The following SLC36A1 variants were observed in gnomAD, a reference collection of about 807,000 sequenced individuals.
SLC36A1 encodes proton-coupled amino acid transporter 1.
In SLC36A1, 30 loss-of-function variants were observed where a neutral mutation model predicts 47.5. The ratio of observed to expected loss-of-function variants is 0.63; its 90% confidence interval spans 0.47 to 0.86. SLC36A1 has a LOEUF of 0.86. Ranked by LOEUF, SLC36A1 falls within the 40% of genes least tolerant of loss-of-function variation. SLC36A1 has a pLI of 0.00. For missense variants in SLC36A1, 517 were observed against 606.0 expected (o/e 0.85, Z 1.54); for synonymous variants, 255 against 249.7 (o/e 1.02, Z -0.20).
intron 8 of SLC36A1, 61 bp from the exon 9 acceptor site, chr5:151,476,529 T>C (rs77394758): frequency 4.6e-6 from 6 of 1,313,510 alleles, no homozygotes; most frequent in Non-Finnish European, 6.2e-6. Context: ...TTTTTTTTTT[T>C]CTTGGCCATT....
chr5:151,380,989 C>G, the SLC36A1 span: 1 of 387,792 alleles, frequency 2.6e-6, no homozygotes, highest in Non-Finnish European at 5.2e-6. Flanking sequence ...AACCCTATAA[C>G]AGAGGGGCCA....
chr5:151,485,951 T>C (rs2127545353), intron 10 of SLC36A1, among the ~76,000 whole-genome samples: 1 of 152,368 alleles, frequency 6.6e-6, no homozygotes, highest in Admixed American at 6.5e-5. Context: ...GTGGCTATGT[T>C]GGACAGCACA....
the SLC36A1 span, chr5:151,544,598 T>TGTA: frequency 6.8e-6 from 11 of 1,614,118 alleles, no homozygotes; most frequent in Non-Finnish European, 8.5e-6. Flanking sequence ...ACTCTGACTT[T>TGTA]GTAATAAGGA....
chr5:151,544,016 C>T, the SLC36A1 span: 1 of 1,614,184 alleles, frequency 6.2e-7, no homozygotes, highest in Non-Finnish European at 8.5e-7. Flanking sequence ...TCATTGATAT[C>T]AGACACATTG....
the SLC36A1 span, among the ~76,000 whole-genome samples, chr5:151,518,656 T>C: frequency 4.2e-3 from 643 of 152,340 alleles, 3 homozygotes; most frequent in African/African-American, 0.015. Flanking sequence ...ATAGACTGTA[T>C]GGCCAAAACT....
the SLC36A1 span, among the ~76,000 whole-genome samples, chr5:151,414,245 G>A: frequency 1.3e-5 from 2 of 152,202 alleles, no homozygotes; most frequent in Admixed American, 6.5e-5. Context: ...CATTTAGGAT[G>A]GGTATGATTT....
intron 10 of SLC36A1, among the ~76,000 whole-genome samples, chr5:151,484,420 C>T (rs1435795010): frequency 6.6e-6 from 1 of 152,228 alleles, no homozygotes; most frequent in East Asian, 1.9e-4. Flanking sequence ...GTGTTCGAGG[C>T]TTGGAGCCCC....
chr5:151,534,973 ATAT>A, the SLC36A1 span, among the ~76,000 whole-genome samples: 3 of 80,052 alleles, frequency 3.7e-5, no homozygotes, highest in African/African-American at 1.1e-4. Context: ...CTAGGAAAAT[ATAT>A]ATATATATAT....
the SLC36A1 span, among the ~76,000 whole-genome samples, chr5:151,385,037 TGA>T: frequency 1.2e-3 from 169 of 142,138 alleles, 2 homozygotes; most frequent in East Asian, 0.022. Context: ...TGTGTGTGTG[TGA>T]GAGAGAGAGA....
chr5:151,352,981 C>G, the SLC36A1 span, among the ~76,000 whole-genome samples: 2 of 152,222 alleles, frequency 1.3e-5, no homozygotes, highest in African/African-American at 4.8e-5. Flanking sequence ...GGCTAGACCC[C>G]CTCTGGAATA....
upstream of SLC36A1, among the ~76,000 whole-genome samples, chr5:151,433,361 G>T (rs543895738): frequency 7.9e-6 from 1 of 127,090 alleles, no homozygotes; most frequent in African/African-American, 3.0e-5. Flanking sequence ...TTGGCTCACC[G>T]CAACCTCTGC....
chr5:151,382,969 A>G, the SLC36A1 span, among the ~76,000 whole-genome samples: 3 of 152,188 alleles, frequency 2.0e-5, no homozygotes, highest in Non-Finnish European at 4.4e-5. Flanking sequence ...AAACAGCATT[A>G]AAGCCAGGAT....
chr5:151,371,618 CTTG>C, the SLC36A1 span, among the ~76,000 whole-genome samples: 2 of 152,116 alleles, frequency 1.3e-5, no homozygotes, highest in Non-Finnish European at 2.9e-5. Context: ...AATATTCTAT[CTTG>C]TTATCAACTC....
chr5:151,480,853 G>A (rs1467476586), intron 10 of SLC36A1, among the ~76,000 whole-genome samples: 1 of 152,214 alleles, frequency 6.6e-6, no homozygotes, highest in African/African-American at 2.4e-5. Context: ...CTGGAAGAAA[G>A]AGTGTGGTTA....
the SLC36A1 span, chr5:151,551,721 G>T: frequency 9.9e-7 from 1 of 1,011,000 alleles, no homozygotes; most frequent in Non-Finnish European, 1.4e-6. Flanking sequence ...CACAGTACAA[G>T]ATCTGAGTGA....
chr5:151,553,276 A>G, the SLC36A1 span: 3 of 1,614,246 alleles, frequency 1.9e-6, no homozygotes, highest in Non-Finnish European at 2.5e-6. Context: ...AAGCTGTAGT[A>G]GGTCTCATCA....
chr5:151,454,490 A>G (rs1316265069), intron 1 of SLC36A1, among the ~76,000 whole-genome samples: 4 of 152,036 alleles, frequency 2.6e-5, no homozygotes, highest in Admixed American at 2.6e-4. Flanking sequence ...TTGAATCCTT[A>G]CATAACTGCT....
At chr5:151,545,988 G>C in the SLC36A1 span, 1 of 1,613,940 alleles carries the variant, frequency 6.2e-7, no homozygotes, top group Non-Finnish European at 8.5e-7. Context: ...TCTTCTGGGT[G>C]GAAATAAGGC....
At chr5:151,368,136 C>T in the SLC36A1 span, among the ~76,000 whole-genome samples, 2 of 152,302 alleles carry the variant, frequency 1.3e-5, no homozygotes, top group South Asian at 2.1e-4. Context: ...CTGGATTGAT[C>T]ATTGACTAAA....
Sources: gnomAD v4.1 joint callset for allele counts (sites outside exome capture counted in the v4.1 genomes callset) on GRCh38, gnomAD v4.1.1 for gene constraint, MANE v1.5 for transcripts, NCBI Gene and HGNC (gene_info 2026-07-23, HGNC 2026-07-21) for gene names.